Variants in AP2B1 observed in about 807,000 individuals in gnomAD.
The protein encoded by AP2B1 is adaptor related protein complex 2 subunit beta 1.
In AP2B1, 23 loss-of-function variants were observed where a neutral mutation model predicts 102.0. The observed-to-expected ratio is 0.23, with a 90% CI of 0.16 to 0.32. The LOEUF (loss-of-function observed/expected upper bound fraction) is 0.32. AP2B1 is among the 10% of genes least tolerant of loss of function. AP2B1 has a pLI of 1.00. For synonymous variants in AP2B1, 381 were observed against 421.2 expected (o/e 0.90, Z 1.17); for missense variants, 541 against 1,157.4 (o/e 0.47, Z 7.73).
At chr17:35,677,637 CA>C (rs922578830) in intron 17 of AP2B1, among the ~76,000 whole-genome samples, 1 of 151,200 alleles carries the variant, frequency 6.6e-6, no homozygotes. Context: ...TCAGTTTCTA[CA>C]AAAAAAATGC....
chr17:35,682,881 T>C, intron 18 of AP2B1, 57 bp downstream of exon 18: 1 of 1,472,796 alleles, frequency 6.8e-7, no homozygotes, highest in Non-Finnish European at 9.2e-7. Context: ...ATTATTATTA[T>C]TATTATTATT....
chr17:35,662,472 T>G (rs1223599629), intron 14 of AP2B1, among the ~76,000 whole-genome samples: 2 of 152,008 alleles, frequency 1.3e-5, no homozygotes, highest in Admixed American at 1.3e-4. Flanking sequence ...AAAGTAGTTA[T>G]TTGGGCTTTT....
chr17:35,602,772 C>G (rs1473415932), intron 3 of AP2B1, among the ~76,000 whole-genome samples: 1 of 152,156 alleles, frequency 6.6e-6, no homozygotes, highest in Non-Finnish European at 1.5e-5. Flanking sequence ...TTGGAAAGTT[C>G]AGGTTTCTAG....
At chr17:35,644,973 A>C (rs1014610864) in intron 12 of AP2B1, among the ~76,000 whole-genome samples, 1 of 152,062 alleles carries the variant, frequency 6.6e-6, no homozygotes, top group East Asian at 1.9e-4. Flanking sequence ...CAGAGGTTGC[A>C]GTGAGCTGAG....
At chr17:35,602,697 A>G (rs2073529872) in intron 3 of AP2B1, among the ~76,000 whole-genome samples, 1 of 152,212 alleles carries the variant, frequency 6.6e-6, no homozygotes, top group Non-Finnish European at 1.5e-5. Context: ...TCACATTTAC[A>G]TCACATCTCA....
intron 18 of AP2B1, among the ~76,000 whole-genome samples, chr17:35,707,458 T>C (rs587764433): frequency 0.012 from 109 of 9,052 alleles, 2 homozygotes; most frequent in South Asian, 0.11. Flanking sequence ...GCTTCCCCCC[T>C]TTTTTTTTTT....
chr17:35,636,517 T>C, intron 10 of AP2B1, 61 bp downstream of exon 10: 2 of 1,262,418 alleles, frequency 1.6e-6, no homozygotes, highest in South Asian at 1.2e-5. Context: ...TAAGGCACTT[T>C]GAAATTGCCT....
At chr17:35,656,742 G>A (rs968870189) in intron 13 of AP2B1, among the ~76,000 whole-genome samples, 5 of 152,046 alleles carry the variant, frequency 3.3e-5, no homozygotes, top group South Asian at 2.1e-4. Context: ...AAAATTAGCC[G>A]GGCACGGTGG....
At chr17:35,720,570 TATA>T (rs1392972231) in intron 21 of AP2B1, among the ~76,000 whole-genome samples, 177 of 49,820 alleles carry the variant, frequency 3.6e-3, no homozygotes, top group East Asian at 7.3e-3. Context: ...TATATATATA[TATA>T]TTTTTTTTTT....
chr17:35,598,956 G>A (rs1485471061), intron 3 of AP2B1, among the ~76,000 whole-genome samples: 1 of 152,208 alleles, frequency 6.6e-6, no homozygotes, highest in Non-Finnish European at 1.5e-5. Context: ...CAGTGATGGT[G>A]CAAAGCAGTG....
chr17:35,667,986 G>A (rs1298513685), intron 14 of AP2B1, among the ~76,000 whole-genome samples: 1 of 138,934 alleles, frequency 7.2e-6, no homozygotes, highest in Non-Finnish European at 1.5e-5. Context: ...TGCCCAGGCT[G>A]TAGTGCAATG....
intron 21 of AP2B1, among the ~76,000 whole-genome samples, chr17:35,720,559 A>G (rs1466328805): frequency 2.1e-5 from 1 of 48,510 alleles, no homozygotes; most frequent in Non-Finnish European, 4.3e-5. Flanking sequence ...ATATATATAT[A>G]TATATATATA....
chr17:35,714,865 A>G (rs1276789448), intron 20 of AP2B1, among the ~76,000 whole-genome samples: 5 of 152,224 alleles, frequency 3.3e-5, no homozygotes. Context: ...AAACAATATT[A>G]CATTACATTC....
intron 17 of AP2B1, among the ~76,000 whole-genome samples, chr17:35,675,823 CTA>C (rs140451313): frequency 0.024 from 3,657 of 151,828 alleles, 131 homozygotes; most frequent in East Asian, 0.19. Context: ...GTTTTTCTCT[CTA>C]ATCGTTAAAA....
At chr17:35,664,631 C>T (rs72828084) in intron 14 of AP2B1, among the ~76,000 whole-genome samples, 19,142 of 152,068 alleles carry the variant, frequency 0.13, 1,258 homozygotes, top group Middle Eastern at 0.16. Flanking sequence ...TTTATATTTA[C>T]GAAACATTCA....
intron 5 of AP2B1, among the ~76,000 whole-genome samples, chr17:35,614,978 G>C (rs2073973485): frequency 6.6e-6 from 1 of 152,110 alleles, no homozygotes; most frequent in Admixed American, 6.6e-5. Context: ...CATTTTTTTG[G>C]TTGTCAAACC....
At chr17:35,678,310 A>G (rs941625622) in intron 17 of AP2B1, among the ~76,000 whole-genome samples, 2 of 152,142 alleles carry the variant, frequency 1.3e-5, no homozygotes, top group African/African-American at 2.4e-5. Context: ...AGTTTCCTAC[A>G]TAAATAAATC....
Position 35,722,972 on chromosome 17 carries a change from GA to G in AP2B1, c.2782-652del, listed in dbSNP as rs1205559938. ...TAGACTAAAAGAAGAGGTGGTGGTA[GA>G]GGGGTATCAGAGGTATCTGATTTGC... On this transcript the variant is annotated intron_variant, in intron 21 of 21. Coordinates refer to ENST00000610402, the MANE Select transcript of AP2B1 (RefSeq NM_001030006.2). 3.9e-5 allele frequency among the ~76,000 whole-genome samples: 6 copies of G among 152,178 alleles called. No individual in the cohort carries two copies. The East Asian group carries it at 9.6e-4, about 24-fold the overall frequency.
intron 14 of AP2B1, among the ~76,000 whole-genome samples, chr17:35,662,528 G>GT (rs200042072): frequency 3.2e-4 from 32 of 100,296 alleles, no homozygotes; most frequent in African/African-American, 8.2e-4. Context: ...TTGGGTTTGG[G>GT]TTTGTTTTTT....
Sources: gnomAD v4.1 joint callset for allele counts (sites outside exome capture counted in the v4.1 genomes callset) on GRCh38, gnomAD v4.1.1 for gene constraint, MANE v1.5 for transcripts, NCBI Gene and HGNC (gene_info 2026-07-23, HGNC 2026-07-21) for gene names.